SCRG1: variants seen among roughly 807,000 people sequenced by gnomAD.
The protein encoded by SCRG1 is scrapie-responsive protein 1.
In SCRG1, 3 loss-of-function variants were observed where a neutral mutation model predicts 7.7. That is an observed-to-expected ratio of 0.39 (90% CI 0.18 to 1.01). The LOEUF (loss-of-function observed/expected upper bound fraction) is 1.01, where lower values mean the gene tolerates loss of function less well. SCRG1 is among the 50% of genes least tolerant of loss of function. The pLI is 0.36. For synonymous variants in SCRG1, 46 were observed against 41.2 expected, an observed-to-expected ratio of 1.12 and a Z score of -0.44; for missense variants, 110 against 117.2, an observed-to-expected ratio of 0.94 and a Z score of 0.28.
At chr4:173,409,666 G>A (rs531265274), upstream of SCRG1, among the ~76,000 whole-genome samples, 92 of 144,136 alleles carry the variant, frequency 6.4e-4, no homozygotes, top group Middle Eastern at 8.1e-3. Context: ...TCAGCTCACT[G>A]CAACCTCTGC....
the SCRG1 span, among the ~76,000 whole-genome samples, chr4:173,455,341 G>C: frequency 9.8e-5 from 15 of 152,336 alleles, no homozygotes; most frequent in East Asian, 5.8e-4. Context: ...TATACCTGTA[G>C]TGTGCTTTCC....
At chr4:173,513,056 A>G in the SCRG1 span, among the ~76,000 whole-genome samples, 1 of 152,206 alleles carries the variant, frequency 6.6e-6, no homozygotes, top group Non-Finnish European at 1.5e-5. Context: ...ACTAGAACAT[A>G]GCAAAAAACC....
chr4:173,492,499 C>T, the SCRG1 span, among the ~76,000 whole-genome samples: 1 of 152,102 alleles, frequency 6.6e-6, no homozygotes, highest in Non-Finnish European at 1.5e-5. Flanking sequence ...ATGAGGCACC[C>T]AAGCAGGCTT....
At chr4:173,438,609 A>G in the SCRG1 span, among the ~76,000 whole-genome samples, 1 of 152,182 alleles carries the variant, frequency 6.6e-6, no homozygotes. Flanking sequence ...GAGTTTCTTA[A>G]TAACAAACAT....
the SCRG1 span, among the ~76,000 whole-genome samples, chr4:173,502,126 T>G: frequency 1.3e-5 from 2 of 151,040 alleles, no homozygotes; most frequent in Admixed American, 6.6e-5. The surrounding 1 kb of genome is among the most constrained non-coding windows in gnomAD (Gnocchi z 4.6). Flanking sequence ...ATTGCACGCC[T>G]GGACTTCGGA....
the SCRG1 span, chr4:173,468,039 T>A: frequency 6.6e-6 from 1 of 152,652 alleles, no homozygotes; most frequent in African/African-American, 2.4e-5. Context: ...AATTTATCCA[T>A]TCATTGATGA....
At chr4:173,411,518 C>T in the SCRG1 span, among the ~76,000 whole-genome samples, 1 of 152,224 alleles carries the variant, frequency 6.6e-6, no homozygotes, top group Non-Finnish European at 1.5e-5. Flanking sequence ...CCTAGTTCCA[C>T]ATTGCTCAAT....
the SCRG1 span, among the ~76,000 whole-genome samples, chr4:173,479,569 T>C: frequency 6.6e-6 from 1 of 151,044 alleles, no homozygotes; most frequent in African/African-American, 2.4e-5. Flanking sequence ...TCCTTCGAAA[T>C]AGCTGGGATA....
chr4:173,483,845 A>ATGTT, the SCRG1 span, among the ~76,000 whole-genome samples: 1 of 16,342 alleles, frequency 6.1e-5, no homozygotes, highest in African/African-American at 1.2e-4. Flanking sequence ...TATAATATAT[A>ATGTT]ATATATATTT....
the SCRG1 span, among the ~76,000 whole-genome samples, chr4:173,513,154 C>G: frequency 6.6e-6 from 1 of 152,180 alleles, no homozygotes; most frequent in African/African-American, 2.4e-5. Context: ...AGGGGACACA[C>G]AAAAATTGAG....
chr4:173,496,978 C>T, the SCRG1 span, among the ~76,000 whole-genome samples: 21 of 152,012 alleles, frequency 1.4e-4, no homozygotes, highest in African/African-American at 4.3e-4. Flanking sequence ...TGGTGGTGGG[C>T]GCCTGTAGTC....
the SCRG1 span, among the ~76,000 whole-genome samples, chr4:173,416,031 GT>G: frequency 2.6e-5 from 4 of 152,354 alleles, no homozygotes; most frequent in South Asian, 4.1e-4. Context: ...GCCTCGGGGT[GT>G]TTTGAGTACC....
chr4:173,473,859 T>C, the SCRG1 span, among the ~76,000 whole-genome samples: 1,226 of 152,284 alleles, frequency 8.1e-3, 6 homozygotes, highest in Non-Finnish European at 0.015. Flanking sequence ...GATTTGTGAT[T>C]TAGAACAACA....
chr4:173,400,415 A>T (rs946551930), upstream of SCRG1, among the ~76,000 whole-genome samples: 1 of 152,180 alleles, frequency 6.6e-6, no homozygotes, highest in African/African-American at 2.4e-5. Flanking sequence ...GGAAAATAGA[A>T]ATGAGTTAGT....
chr4:173,511,161 T>TG, the SCRG1 span, among the ~76,000 whole-genome samples: 22 of 151,492 alleles, frequency 1.5e-4, no homozygotes, highest in South Asian at 6.3e-4. The surrounding 1 kb of genome is among the most constrained non-coding windows in gnomAD (Gnocchi z 5.2). Context: ...AGAGACGGGG[T>TG]GGGGGGGTGT....
At chr4:173,518,141 T>C in the SCRG1 span, among the ~76,000 whole-genome samples, 3 of 152,308 alleles carry the variant, frequency 2.0e-5, no homozygotes, top group East Asian at 5.8e-4. Context: ...TCTCTCGTTT[T>C]TTTCGCCCGC....
chr4:173,482,968 TATATA>T, the SCRG1 span, among the ~76,000 whole-genome samples: 2 of 133,224 alleles, frequency 1.5e-5, no homozygotes, highest in Non-Finnish European at 3.1e-5. Flanking sequence ...ACATATTGTA[TATATA>T]ATATATAATA....
At chr4:173,432,296 TCCC>T in the SCRG1 span, among the ~76,000 whole-genome samples, 33 of 127,532 alleles carry the variant, frequency 2.6e-4, no homozygotes, top group Admixed American at 1.1e-3. Flanking sequence ...CCTTCCTTCC[TCCC>T]CCCCTCCCTC....
the SCRG1 span, among the ~76,000 whole-genome samples, chr4:173,467,197 ATTC>A: frequency 6.6e-6 from 1 of 151,006 alleles, no homozygotes; most frequent in African/African-American, 2.4e-5. Context: ...AATTCCCTCT[ATTC>A]TTGTCTTGTT....
Sources: gnomAD v4.1 joint callset for allele counts (sites outside exome capture counted in the v4.1 genomes callset) on GRCh38, gnomAD v4.1.1 for gene constraint, Gnocchi (gnomAD v3.1) non-coding constraint, MANE v1.5 for transcripts, NCBI Gene and HGNC (gene_info 2026-07-23, HGNC 2026-07-21) for gene names.